The following SCN8A variants were observed in gnomAD, a reference collection of about 807,000 sequenced individuals.
SCN8A encodes sodium voltage-gated channel alpha subunit 8.
SCN8A carries 30 observed loss-of-function variants against 184.1 expected under a neutral mutation model. The ratio of observed to expected loss-of-function variants is 0.16; its 90% confidence interval spans 0.12 to 0.22. SCN8A has a LOEUF of 0.22. Ranked by LOEUF, SCN8A falls within the 10% of genes least tolerant of loss-of-function variation. The probability of loss-of-function intolerance (pLI) is 1.00; values close to 1 mark genes in which losing one functional copy is unlikely to be tolerated. For synonymous variants in SCN8A, 852 were observed against 907.0 expected, an observed-to-expected ratio of 0.94 and a Z score of 1.09; for missense variants, 1,057 against 2,498.9, an observed-to-expected ratio of 0.42 and a Z score of 12.30.
At chr12:51,788,287 C>CTTTTTTTTTTTTTTTTTT (rs66672221) in intron 22 of SCN8A, among the ~76,000 whole-genome samples, 4 of 84,004 alleles carry the variant, frequency 4.8e-5, no homozygotes, top group African/African-American at 2.0e-4. Context: ...CGCTTAACAC[C>CTTTTTTTTTTTTTTTTTT]TTTTTTTTTT....
intron 14 of SCN8A, among the ~76,000 whole-genome samples, chr12:51,756,785 C>T (rs1475977172): frequency 2.0e-5 from 3 of 152,198 alleles, no homozygotes; most frequent in Admixed American, 6.5e-5. Flanking sequence ...CAGCCTCCCT[C>T]TACCGGCATG....
At chr12:51,737,318 T>G (rs940915264) in intron 12 of SCN8A, among the ~76,000 whole-genome samples, 1 of 152,198 alleles carries the variant, frequency 6.6e-6, no homozygotes, top group Non-Finnish European at 1.5e-5. Flanking sequence ...AGTAGGTGAA[T>G]GCTGAGTTGA....
chr12:51,652,283 T>C (rs1051164107), intron 1 of SCN8A, among the ~76,000 whole-genome samples: 1 of 152,152 alleles, frequency 6.6e-6, no homozygotes, highest in Admixed American at 6.5e-5. Flanking sequence ...AACAAAACTG[T>C]CCAGTACATC....
At position 51,806,952 on chromosome 12, in the gene SCN8A, C is replaced by G. The variant is rs771214217; in HGVS notation, c.5466C>G (p.Pro1822=). The change falls in exon 27 of 27, where the codon CCC becomes CCG. Residue 1822 remains proline (P), a synonymous_variant. Coordinates refer to ENST00000627620, the MANE Select transcript of SCN8A (RefSeq NM_001330260.2). The surrounding 1 kb of genome is among the most constrained non-coding windows in gnomAD (Gnocchi z 8.7). ...CCTTGGAGCATCCTCTCCGAGTGCC[C>G]AAGCCCAATACCATTGAGCTCATCG... ...ADALEHPLRV[P]KPNTIELIAM... is the part of the protein sequence containing the mutation. 7 of 1,613,834 alleles carry G rather than the reference C, an allele frequency of 4.3e-6. No individual in the cohort carries two copies. The South Asian group carries it at 6.6e-5, about 15-fold the overall frequency.
intron 1 of SCN8A, among the ~76,000 whole-genome samples, chr12:51,638,174 A>G (rs779286655): frequency 2.0e-5 from 3 of 152,208 alleles, no homozygotes; most frequent in Non-Finnish European, 2.9e-5. Flanking sequence ...ATACTCATTG[A>G]CAGTATACTT....
chr12:51,762,066 G>A, intron 14 of SCN8A, among the ~76,000 whole-genome samples: 1 of 152,104 alleles, frequency 6.6e-6, no homozygotes, highest in African/African-American at 2.4e-5. Context: ...GCAAATGTCT[G>A]GGTTTGGTAA....
intron 2 of SCN8A, among the ~76,000 whole-genome samples, chr12:51,672,414 T>C (rs756175132): frequency 2.6e-5 from 4 of 152,204 alleles, no homozygotes; most frequent in South Asian, 2.1e-4. Flanking sequence ...CTGACTCTTA[T>C]ATCTCTTTAC....
chr12:51,770,156 A>G (rs1226435637), intron 18 of SCN8A, 171 bp downstream of exon 18: 2 of 619,036 alleles, frequency 3.2e-6, no homozygotes. Flanking sequence ...TTTGTATCTG[A>G]CAAGTATATA....
intron 26 of SCN8A, 116 bp downstream of exon 26, chr12:51,794,757 A>C: frequency 2.0e-6 from 2 of 1,010,538 alleles, no homozygotes; most frequent in Non-Finnish European, 2.9e-6. Context: ...AGATACCCTC[A>C]TAGCTTAAGT....
chr12:51,806,209 G>A lies in SCN8A; in HGVS notation c.4796-73G>A. 1.0e-5 allele frequency: 14 copies of A among 1,375,524 alleles called. No individual in the cohort carries two copies. The highest frequency in any genetic ancestry group is 1.2e-5 in the Non-Finnish European group (12 of 1,020,278). The allele number at this position is 1,375,524 out of a possible 1,614,324, so 85.2% of individuals were successfully genotyped here. On this transcript the variant is annotated intron_variant, in intron 26 of 26. Transcript: ENST00000627620. This position sits in a 1 kb window ranked among gnomAD's most constrained non-coding sequence, Gnocchi z 8.7. ...CCTTTGAACCTAAGGGTTCCACAAT[G>A]CCAGGTAAAAAAAATAAAGAGAAAG...
chr12:51,726,776 C>T (rs1051940864), intron 12 of SCN8A, among the ~76,000 whole-genome samples: 1 of 152,086 alleles, frequency 6.6e-6, no homozygotes, highest in African/African-American at 2.4e-5. Flanking sequence ...ATTTTTGGCC[C>T]TGATAGCTCT....
chr12:51,608,361 T>C (rs1193004987), intron 1 of SCN8A, among the ~76,000 whole-genome samples: 1 of 152,154 alleles, frequency 6.6e-6, no homozygotes, highest in African/African-American at 2.4e-5. Flanking sequence ...TGAATCCTTC[T>C]GGTCCTGGAC....
chr12:51,695,812 G>T lies in SCN8A; in HGVS notation c.707-3758G>T, dbSNP rs533886084. On this transcript the variant is annotated intron_variant, in intron 6 of 26. Coordinates refer to ENST00000627620, the MANE Select transcript of SCN8A (RefSeq NM_001330260.2). The stretch of plus-strand genomic sequence containing the variant: ...GTCTCTTATCCTGTTCCAAATTCCT[G>T]TAGGAAAGGATCTGGATTTAGGTCA... 3.3e-4 allele frequency among the ~76,000 whole-genome samples: 50 copies of T among 152,214 alleles called. 1 individual carries two copies. In the South Asian group the frequency reaches 9.6e-3, roughly 29 times the overall value.
intron 1 of SCN8A, among the ~76,000 whole-genome samples, chr12:51,596,418 A>AC (rs1314962905): frequency 6.6e-6 from 1 of 152,192 alleles, no homozygotes; most frequent in Non-Finnish European, 1.5e-5. Flanking sequence ...GGACTATCTA[A>AC]CTGGTGTAGT....
At chr12:51,615,805 A>G (rs1282926755) in intron 1 of SCN8A, among the ~76,000 whole-genome samples, 2 of 152,080 alleles carry the variant, frequency 1.3e-5, no homozygotes, top group Non-Finnish European at 2.9e-5. Context: ...GCAGCCTCAA[A>G]CTTCTGGGCT....
At chr12:51,770,023 C>A (rs762776712) in intron 18 of SCN8A, 38 bp downstream of exon 18, 3 of 1,369,074 alleles carry the variant, frequency 2.2e-6, no homozygotes, top group South Asian at 2.5e-5. Flanking sequence ...TGGGGACACT[C>A]GTGTTGCTCA....
intron 6 of SCN8A, 25 bp downstream of exon 6, chr12:51,689,121 G>T (rs1941466032): frequency 6.5e-7 from 1 of 1,539,400 alleles, no homozygotes; most frequent in African/African-American, 1.4e-5. Context: ...ACATAAGACT[G>T]ACTTTGCCAC....
intron 14 of SCN8A, among the ~76,000 whole-genome samples, chr12:51,758,170 A>C (rs923515401): frequency 4.6e-5 from 7 of 152,164 alleles, no homozygotes; most frequent in Non-Finnish European, 8.8e-5. Flanking sequence ...CAAAAATAAA[A>C]AAATTAACCA....
chr12:51,767,383 T>C (rs771690953), intron 16 of SCN8A, among the ~76,000 whole-genome samples: 9 of 152,230 alleles, frequency 5.9e-5, no homozygotes, highest in Non-Finnish European at 1.3e-4. Context: ...TCAGTAGTCC[T>C]TCTGCCCATC....
Sources: allele counts gnomAD v4.1 joint callset (sites outside exome capture counted in the v4.1 genomes callset), GRCh38; gene constraint gnomAD v4.1.1; non-coding constraint Gnocchi (gnomAD v3.1); transcripts MANE v1.5; gene names NCBI Gene and HGNC (gene_info 2026-07-23, HGNC 2026-07-21).